CCR3: variants seen among roughly 807,000 people sequenced by gnomAD.
The protein encoded by CCR3 is C-C chemokine receptor type 3.
For synonymous variants in CCR3, 203 were observed against 179.2 expected (o/e 1.13, Z -1.06); for missense variants, 419 against 437.5 (o/e 0.96, Z 0.38).
intron 1 of CCR3, among the ~76,000 whole-genome samples, chr3:46,248,181 G>T (rs1700233628): frequency 1.3e-5 from 2 of 152,168 alleles, no homozygotes; most frequent in Non-Finnish European, 2.9e-5. Context: ...AATAATGTGG[G>T]AGGCTGGACT....
intron 1 of CCR3, among the ~76,000 whole-genome samples, chr3:46,248,198 C>T (rs925370861): frequency 7.9e-5 from 12 of 151,928 alleles, no homozygotes; most frequent in South Asian, 2.1e-4. Context: ...GACTGAAGTC[C>T]GGGCCAGGAA....
At chr3:46,252,920 TA>T (rs371937055) in intron 1 of CCR3, among the ~76,000 whole-genome samples, 3,565 of 147,086 alleles carry the variant, frequency 0.024, 125 homozygotes, top group African/African-American at 0.076. Flanking sequence ...CTCAGGGATT[TA>T]AAAAAAAAAA....
chr3:46,259,400 T>C (rs1164222073), intron 1 of CCR3, among the ~76,000 whole-genome samples: 1 of 152,224 alleles, frequency 6.6e-6, no homozygotes, highest in Non-Finnish European at 1.5e-5. Flanking sequence ...ATTTCTGTGA[T>C]ATACAACATT....
At chr3:46,239,222 G>A (rs1393951546), upstream of CCR3, among the ~76,000 whole-genome samples, 1 of 152,206 alleles carries the variant, frequency 6.6e-6, no homozygotes, top group Non-Finnish European at 1.5e-5. Flanking sequence ...AGAAATGGAA[G>A]TGACTGAATT....
chr3:46,246,479 G>A (rs1047002717), intron 1 of CCR3, among the ~76,000 whole-genome samples: 20 of 152,062 alleles, frequency 1.3e-4, no homozygotes, highest in East Asian at 7.7e-4. Flanking sequence ...AGTGGGGGTC[G>A]CAAGGTGCTC....
At position 46,265,346 on chromosome 3, in the gene CCR3, G is replaced by A; in HGVS notation, c.188G>A (p.Arg63Lys). The change falls in exon 2 of 2, where the codon AGG (arginine) becomes AAG (lysine). Residue 63 changes from arginine to lysine, a missense_variant. Arg to Lys is a conservative substitution (Grantham distance 26). Coordinates refer to ENST00000395940, the MANE Select transcript of CCR3 (RefSeq NM_178329.3). The part of the protein sequence containing the change: ...VVVVMILIKY[R>K]RLRIMTNIYL... Reference sequence around the variant, plus strand: ...GTGGTGATGATCCTCATAAAATACAGGAGGCTCCGAATTATGACCAACATC... The same window carrying A: ...GTGGTGATGATCCTCATAAAATACAAGAGGCTCCGAATTATGACCAACATC... 1 of 1,614,088 alleles carries A rather than the reference G, an allele frequency of 6.2e-7. No homozygotes were observed. Among genetic ancestry groups the A allele is most frequent in the Non-Finnish European group, 8.5e-7 (1 of 1,179,994 alleles).
chr3:46,236,174 C>A lies in CCR3; in HGVS notation c.-67-6228C>A, dbSNP rs11916665. Among the ~76,000 whole-genome samples the A allele has an allele frequency of 2.6e-3, 396 of 152,316 alleles. 1 individual carries two copies. Among genetic ancestry groups the A allele is most frequent in the Middle Eastern group, 0.02 (6 of 294 alleles). The stretch of plus-strand genomic sequence containing the variant: ...GGGTGGTACCAACGGGAACTGCCTC[C>A]TTGGGAACTCCATGCAGTTCGTGGC... On this transcript the variant is annotated intron_variant, in intron 2 of 3. Transcript: ENST00000357422.
Position 46,266,016 on chromosome 3 carries a change from A to T in CCR3, c.858A>T (p.Thr286=). The change falls in exon 2 of 2, where the codon ACA becomes ACT. Residue 286 remains threonine, a synonymous_variant. Transcript: ENST00000395940. ...ATCTGGACCTGGTCATGCTGGTGAC[A>T]GAGGTGATCGCCTACTCCCACTGCT... is the stretch of plus-strand genomic sequence containing the variant. The part of the protein sequence containing the change: ...SKHLDLVMLV[T]EVIAYSHCCM... 6.2e-7 allele frequency: 1 copy of T among 1,614,082 alleles called. No homozygotes were observed. The highest frequency in any genetic ancestry group is 2.2e-5 in the East Asian group (1 of 44,864).
chr3:46,211,926 T>C (rs73830802), intron 2 of CCR3, among the ~76,000 whole-genome samples: 3,153 of 152,218 alleles, frequency 0.021, 101 homozygotes, highest in African/African-American at 0.071. Flanking sequence ...CACCTGAAGA[T>C]TCTAACCTTG....
chr3:46,254,758 T>A (rs1235582964), intron 1 of CCR3, among the ~76,000 whole-genome samples: 1 of 152,224 alleles, frequency 6.6e-6, no homozygotes, highest in South Asian at 2.1e-4. Context: ...ATTCCTGAGT[T>A]ACTTAACTTA....
chr3:46,222,035 C>T (rs1699843405), intron 2 of CCR3, among the ~76,000 whole-genome samples: 1 of 152,254 alleles, frequency 6.6e-6, no homozygotes, highest in Non-Finnish European at 1.5e-5. Flanking sequence ...CCCCTGAGGA[C>T]TGGGCAGGAG....
intron 1 of CCR3, chr3:46,264,259 C>T: frequency 2.9e-6 from 2 of 701,410 alleles, no homozygotes; most frequent in Non-Finnish European, 5.0e-6. Flanking sequence ...CCAGGCCTAA[C>T]TCAGCATCAC....
intron 2 of CCR3, among the ~76,000 whole-genome samples, chr3:46,218,426 C>A (rs1197562882): frequency 2.6e-5 from 4 of 151,982 alleles, no homozygotes; most frequent in Non-Finnish European, 5.9e-5. Flanking sequence ...CCTACTGACA[C>A]TATTCCAAAA....
At chr3:46,224,234 C>A (rs1699867819) in intron 2 of CCR3, among the ~76,000 whole-genome samples, 1 of 152,064 alleles carries the variant, frequency 6.6e-6, no homozygotes, top group South Asian at 2.1e-4. Context: ...TGAGACGAAC[C>A]AATGAGACAG....
chr3:46,221,443 C>T (rs1359829598), intron 2 of CCR3, among the ~76,000 whole-genome samples: 1 of 152,198 alleles, frequency 6.6e-6, no homozygotes, highest in African/African-American at 2.4e-5. Context: ...GGCCTGATTC[C>T]CTAGTTGTAG....
intron 2 of CCR3, among the ~76,000 whole-genome samples, chr3:46,217,617 G>A (rs1031863055): frequency 1.1e-4 from 16 of 152,102 alleles, no homozygotes; most frequent in Non-Finnish European, 1.5e-4. Context: ...CAAGTACTCC[G>A]TCAGACCACA....
At chr3:46,213,152 A>T (rs1699736644) in intron 2 of CCR3, among the ~76,000 whole-genome samples, 1 of 152,198 alleles carries the variant, frequency 6.6e-6, no homozygotes, top group Non-Finnish European at 1.5e-5. Context: ...CCTAAAATAC[A>T]ACCTCAGAAC....
Position 46,253,682 on chromosome 3 carries a change from G to T in CCR3, c.-12+11144G>T, listed in dbSNP as rs866537645. On this transcript the variant is annotated intron_variant, in intron 1 of 1. Coordinates refer to ENST00000395940, the MANE Select transcript of CCR3 (RefSeq NM_178329.3). ...ACCCCATCACATGTTAACCTTTAAG[G>T]GAAACTAGAATTACCGGATTCTTTT... Among the ~76,000 whole-genome samples the T allele has an allele frequency of 2.4e-4, 36 of 152,084 alleles. 1 individual carries two copies. In the Middle Eastern group the frequency reaches 0.01, roughly 43 times the overall value.
chr3:46,240,758 C>A (rs1421219812), upstream of CCR3, among the ~76,000 whole-genome samples: 1 of 152,142 alleles, frequency 6.6e-6, no homozygotes, highest in East Asian at 1.9e-4. Context: ...TCACACAGAT[C>A]CTACAAGCTA....
Sources: allele counts gnomAD v4.1 joint callset (sites outside exome capture counted in the v4.1 genomes callset), GRCh38; gene constraint gnomAD v4.1.1; transcripts MANE v1.5; gene names NCBI Gene and HGNC (gene_info 2026-07-23, HGNC 2026-07-21).